Variants in FHAD1 observed in about 807,000 individuals in gnomAD.
FHAD1 encodes the protein forkhead-associated domain-containing protein 1.
In FHAD1, 146 loss-of-function variants were observed where a neutral mutation model predicts 191.3. That is an observed-to-expected ratio of 0.76 (90% confidence interval 0.67 to 0.88). FHAD1 has a LOEUF of 0.88. Ranked by LOEUF, FHAD1 falls within the 40% of genes least tolerant of loss-of-function variation. The probability of loss-of-function intolerance (pLI) is 0.00; values close to 1 mark genes in which losing one functional copy is unlikely to be tolerated. For synonymous variants in FHAD1, 616 were observed against 672.3 expected, an observed-to-expected ratio of 0.92 and a Z score of 1.29; for missense variants, 1,635 against 1,785.8, an observed-to-expected ratio of 0.92 and a Z score of 1.52.
chr1:15,306,569 C>T (rs775836906), intron 6 of FHAD1, among the ~76,000 whole-genome samples: 78 of 152,354 alleles, frequency 5.1e-4, no homozygotes, highest in African/African-American at 1.6e-3. Flanking sequence ...GGGCCAGGCC[C>T]GGGGTCCCCA....
chr1:15,394,017 G>A (rs747439176), intron 33 of FHAD1, among the ~76,000 whole-genome samples: 19 of 152,212 alleles, frequency 1.2e-4, no homozygotes, highest in African/African-American at 3.6e-4. Context: ...CCCCAGGATG[G>A]CCTGAGTTCA....
At chr1:15,340,138 A>G (rs112892787) in intron 15 of FHAD1, among the ~76,000 whole-genome samples, 1,540 of 152,302 alleles carry the variant, frequency 0.01, 30 homozygotes, top group African/African-American at 0.034. Context: ...ATGCCATCAG[A>G]TTTTGAAAAC....
chr1:15,350,394 G>T (rs1690452316), intron 19 of FHAD1, among the ~76,000 whole-genome samples: 2 of 152,236 alleles, frequency 1.3e-5, no homozygotes. Flanking sequence ...GGGAAAAGGA[G>T]CCTGGGGGCC....
intron 26 of FHAD1, among the ~76,000 whole-genome samples, chr1:15,370,269 G>A (rs1044040451): frequency 6.6e-6 from 1 of 152,158 alleles, no homozygotes; most frequent in African/African-American, 2.4e-5. Context: ...GAGCCACCAC[G>A]CCTGGCCCAT....
intron 20 of FHAD1, among the ~76,000 whole-genome samples, chr1:15,357,136 A>G (rs1296375231): frequency 6.6e-6 from 1 of 152,184 alleles, no homozygotes; most frequent in Non-Finnish European, 1.5e-5. Flanking sequence ...CATAATACAC[A>G]TTCCTGAGTG....
At position 15,327,029 on chromosome 1, in the gene FHAD1, CCT is replaced by C; in HGVS notation, c.1474-29_1474-28del. The C allele has an allele frequency of 6.7e-7, 1 of 1,486,896 alleles. No homozygotes were observed. The highest frequency in any genetic ancestry group is 1.4e-5 in the African/African-American group (1 of 72,012). 92.1% of individuals were successfully genotyped at this position (1,486,896 alleles called of 1,614,324 possible). On this transcript the variant is annotated intron_variant, in intron 11 of 33. Coordinates refer to ENST00000688493, the MANE Select transcript of FHAD1 (RefSeq NM_001391957.1). The surrounding 1 kb of genome is among the most constrained non-coding windows in gnomAD (Gnocchi z 5.1). ...CCCACTTGCCGGCCCCTGCTGACCC[CCT>C]GACACTGTTGCCCCCTCTCTGCTGC... is the stretch of plus-strand genomic sequence containing the variant.
intron 33 of FHAD1, among the ~76,000 whole-genome samples, chr1:15,392,684 C>T (rs1237098262): frequency 1.3e-5 from 2 of 152,124 alleles, no homozygotes; most frequent in Admixed American, 6.5e-5. Context: ...GGCTTGCTTG[C>T]TCATAAAAAA....
chr1:15,388,434 G>A (rs767280183), intron 32 of FHAD1: 2 of 1,188,712 alleles, frequency 1.7e-6, no homozygotes, highest in Admixed American at 7.2e-5. Context: ...TGAGAAGGCA[G>A]AGGGGATATT....
chr1:15,379,214 C>T lies in FHAD1; in HGVS notation c.3706-1487C>T, dbSNP rs376011399. 3.8e-3 allele frequency among the ~76,000 whole-genome samples: 574 copies of T among 152,198 alleles called. 5 individuals are homozygous for T. The highest frequency in any genetic ancestry group is 0.012 in the African/African-American group (507 of 41,518). On this transcript the variant is annotated intron_variant, in intron 28 of 33. Transcript: ENST00000688493. ...TATTGATCATTCGTGGGTGTTTCTC[C>T]GAGAGGGGGATGTGTCAGGGTCACA...
intron 6 of FHAD1, chr1:15,305,672 C>T (rs1191376791): frequency 2.5e-5 from 9 of 361,426 alleles, no homozygotes; most frequent in Admixed American, 1.6e-4. Flanking sequence ...GTGCTGTTCT[C>T]GTTATAGTGA....
At chr1:15,242,453 G>C (rs1251898758), upstream of FHAD1, among the ~76,000 whole-genome samples, 2 of 152,096 alleles carry the variant, frequency 1.3e-5, no homozygotes, top group African/African-American at 4.8e-5. Context: ...TAATAAATAT[G>C]AGCTGAATTT....
intron 1 of FHAD1, among the ~76,000 whole-genome samples, chr1:15,240,913 T>C (rs1471904282): frequency 7.1e-6 from 1 of 140,542 alleles, no homozygotes; most frequent in African/African-American, 2.7e-5. Context: ...GCCAAGATCA[T>C]GCCACTGCAC....
intron 1 of FHAD1, among the ~76,000 whole-genome samples, chr1:15,241,462 C>T (rs1206831003): frequency 6.6e-6 from 1 of 151,906 alleles, no homozygotes; most frequent in Non-Finnish European, 1.5e-5. Context: ...GACTTCCGGA[C>T]CAACATTGTG....
rs914360607 is a variant in FHAD1 at position 15,311,145 on chromosome 1, G to A, written c.1040-1912G>A. ...AGTTTCCAGACCACAGCAGGGAGGG[G>A]AAGCCAGACAGAGCCCAGTGGTCAG... On this transcript the variant is annotated intron_variant, in intron 7 of 33. Coordinates refer to ENST00000688493, the MANE Select transcript of FHAD1 (RefSeq NM_001391957.1). The surrounding 1 kb of genome is among the most constrained non-coding windows in gnomAD (Gnocchi z 4.1). Among the ~76,000 whole-genome samples, 1 of 152,208 alleles carries A rather than the reference G, an allele frequency of 6.6e-6. No individual in the cohort carries two copies. The highest frequency in any genetic ancestry group is 2.4e-5 in the African/African-American group (1 of 41,454).
At chr1:15,386,053 C>T (rs893549836) in intron 31 of FHAD1, among the ~76,000 whole-genome samples, 1 of 152,244 alleles carries the variant, frequency 6.6e-6, no homozygotes, top group African/African-American at 2.4e-5. Context: ...TGGAGTCCAA[C>T]AGATAGGGCT....
At chr1:15,366,260 G>A (rs147631976) in intron 24 of FHAD1, among the ~76,000 whole-genome samples, 1,346 of 130,014 alleles carry the variant, frequency 0.01, 23 homozygotes, top group African/African-American at 0.037. Flanking sequence ...ACTCCAGCCT[G>A]AGCGACAAAG....
chr1:15,276,839 G>C lies in FHAD1; in HGVS notation c.300+4310G>C, dbSNP rs1658556096. Among the ~76,000 whole-genome samples, 1 of 151,588 alleles carries C rather than the reference G, an allele frequency of 6.6e-6. No individual in the cohort carries two copies. Among genetic ancestry groups the C allele is most frequent in the South Asian group, 2.1e-4 (1 of 4,800 alleles). ...AGGGCCACCACCTTGCACAACTCCA[G>C]TCACCATTCACAGTAGAGTCCACAA... On this transcript the variant is annotated intron_variant, in intron 3 of 33. Transcript: ENST00000688493. This position sits in a 1 kb window ranked among gnomAD's most constrained non-coding sequence, Gnocchi z 4.7.
intron 18 of FHAD1, among the ~76,000 whole-genome samples, chr1:15,346,946 T>C (rs1386148019): frequency 6.6e-5 from 10 of 152,228 alleles, no homozygotes; most frequent in Admixed American, 6.5e-4. Flanking sequence ...TGCTGCCACT[T>C]GTGCCTCTTC....
chr1:15,333,251 C>T (rs1682471225), intron 14 of FHAD1, among the ~76,000 whole-genome samples: 1 of 152,012 alleles, frequency 6.6e-6, no homozygotes, highest in South Asian at 2.1e-4. Context: ...AGCGTATGCC[C>T]CATATTCTCT....
Sources: allele counts gnomAD v4.1 joint callset (sites outside exome capture counted in the v4.1 genomes callset), GRCh38; gene constraint gnomAD v4.1.1; non-coding constraint Gnocchi (gnomAD v3.1); transcripts MANE v1.5; gene names NCBI Gene and HGNC (gene_info 2026-07-23, HGNC 2026-07-21).